The following DAB1 variants were observed in gnomAD, a reference collection of about 807,000 sequenced individuals.
DAB1 encodes the protein disabled homolog 1.
In DAB1, 15 loss-of-function variants were observed where a neutral mutation model predicts 64.6. The ratio of observed to expected loss-of-function variants is 0.23; its 90% confidence interval spans 0.16 to 0.36. The LOEUF (loss-of-function observed/expected upper bound fraction) is 0.36, where lower values mean the gene tolerates loss of function less well. Among genes scored for constraint, DAB1 ranks in the 10% least tolerant of loss-of-function variants. The probability of loss-of-function intolerance (pLI) is 1.00; values close to 1 mark genes in which losing one functional copy is unlikely to be tolerated. For missense variants in DAB1, 596 were observed against 706.7 expected (o/e 0.84, Z 1.78); for synonymous variants, 235 against 251.9 (o/e 0.93, Z 0.64).
At chr1:57,495,019 G>C (rs1438089311) in intron 7 of DAB1, among the ~76,000 whole-genome samples, 3 of 152,134 alleles carry the variant, frequency 2.0e-5, no homozygotes, top group Admixed American at 2.0e-4. Flanking sequence ...CTGGAACACT[G>C]AGCTGAATTT....
chr1:57,174,179 C>G (rs1481945322), intron 2 of DAB1, among the ~76,000 whole-genome samples: 1 of 152,152 alleles, frequency 6.6e-6, no homozygotes, highest in African/African-American at 2.4e-5. Context: ...TATCAGTATT[C>G]CATCACTGGC....
At chr1:57,280,047 T>G (rs1570146779) in intron 2 of DAB1, among the ~76,000 whole-genome samples, 1 of 152,262 alleles carries the variant, frequency 6.6e-6, no homozygotes, top group South Asian at 2.1e-4. Flanking sequence ...TAGTCCAGGG[T>G]TAAGAACGTG....
intron 7 of DAB1, among the ~76,000 whole-genome samples, chr1:57,443,971 T>G (rs1342083313): frequency 6.6e-6 from 1 of 152,086 alleles, no homozygotes; most frequent in East Asian, 1.9e-4. Flanking sequence ...TGCACTTGGG[T>G]TTTTAAAATC....
intron 6 of DAB1, among the ~76,000 whole-genome samples, chr1:57,698,412 G>A (rs1043044742): frequency 6.6e-6 from 1 of 152,054 alleles, no homozygotes; most frequent in East Asian, 1.9e-4. Flanking sequence ...CTACTTTGAG[G>A]ACCAATTTGA....
chr1:57,833,341 A>G (rs1327155433), intron 1 of DAB1, among the ~76,000 whole-genome samples: 1 of 152,234 alleles, frequency 6.6e-6, no homozygotes, highest in Non-Finnish European at 1.5e-5. Flanking sequence ...TAACTGTTGC[A>G]TGTTTCACAT....
At chr1:57,995,387 T>G (rs1461595103) in intron 5 of DAB1, among the ~76,000 whole-genome samples, 1 of 152,190 alleles carries the variant, frequency 6.6e-6, no homozygotes, top group African/African-American at 2.4e-5. Context: ...GGGACTCTTT[T>G]GGGGAGAAAG....
At chr1:57,163,110 G>A (rs1458624971) in intron 2 of DAB1, among the ~76,000 whole-genome samples, 1 of 152,214 alleles carries the variant, frequency 6.6e-6, no homozygotes, top group East Asian at 1.9e-4. Context: ...AAGTCCCAGG[G>A]CACAGTCATG....
intron 7 of DAB1, among the ~76,000 whole-genome samples, chr1:57,533,673 T>TAA (rs5774353): frequency 8.8e-5 from 13 of 147,990 alleles, no homozygotes; most frequent in East Asian, 2.0e-4. Context: ...CAGCCAAAAT[T>TAA]AAAAAAAAAA....
chr1:57,678,450 C>T (rs987825567), intron 6 of DAB1, among the ~76,000 whole-genome samples: 6 of 152,076 alleles, frequency 3.9e-5, no homozygotes, highest in African/African-American at 1.4e-4. Context: ...TTAAATGATG[C>T]CATATTGAAG....
chr1:57,601,618 GA>G (rs1645576847), intron 7 of DAB1, among the ~76,000 whole-genome samples: 1 of 152,044 alleles, frequency 6.6e-6, no homozygotes, highest in Non-Finnish European at 1.5e-5. Context: ...TTAAAAAAAT[GA>G]AAAATGAGGA....
At chr1:57,372,726 T>C (rs1680598759) in intron 1 of DAB1, among the ~76,000 whole-genome samples, 1 of 152,112 alleles carries the variant, frequency 6.6e-6, no homozygotes, top group Non-Finnish European at 1.5e-5. Context: ...ACATACACAA[T>C]ATGTACAGTA....
intron 5 of DAB1, among the ~76,000 whole-genome samples, chr1:58,077,335 C>T (rs1353893442): frequency 6.6e-6 from 1 of 152,160 alleles, no homozygotes; most frequent in Non-Finnish European, 1.5e-5. Flanking sequence ...CTTTCCCCTG[C>T]ATGGCGGTTT....
At chr1:57,460,597 A>G (rs376110034) in intron 7 of DAB1, among the ~76,000 whole-genome samples, 2 of 152,220 alleles carry the variant, frequency 1.3e-5, no homozygotes, top group African/African-American at 4.8e-5. Flanking sequence ...CCGAGTGATC[A>G]TCTAAACCTC....
chr1:57,432,842 T>C (rs938496474), intron 7 of DAB1, among the ~76,000 whole-genome samples: 1 of 152,248 alleles, frequency 6.6e-6, no homozygotes, highest in African/African-American at 2.4e-5. Flanking sequence ...AAGATATTTA[T>C]ATTTATACTT....
At chr1:57,442,659 G>C (rs1196959753) in intron 7 of DAB1, among the ~76,000 whole-genome samples, 1 of 152,034 alleles carries the variant, frequency 6.6e-6, no homozygotes, top group Non-Finnish European at 1.5e-5. Flanking sequence ...TCATCCTTTT[G>C]TGTTTTCATA....
In DAB1 at chr1:58,102,766, T is replaced by C. The variant is rs1461787263; in HGVS notation, n.387+47745A>G. Among the ~76,000 whole-genome samples, 4 of 152,196 alleles carry C rather than the reference T, an allele frequency of 2.6e-5. No individual in the cohort carries two copies. In the East Asian group the frequency reaches 7.7e-4, roughly 29 times the overall value. ...AAAATGTACTGAAAAGCTTGGTAAG[T>C]ATCATTCAAAGCCTCTCGACCAATC... On this transcript the variant is annotated intron_variant and non_coding_transcript_variant, in intron 5 of 20. Transcript: ENST00000485760.
At chr1:57,769,134 G>C (rs1260377447) in intron 6 of DAB1, among the ~76,000 whole-genome samples, 1 of 152,130 alleles carries the variant, frequency 6.6e-6, no homozygotes, top group Admixed American at 6.5e-5. Flanking sequence ...CATGGTACAT[G>C]CTCCGTGGGC....
chr1:58,213,037 C>T (rs1032552311), intron 4 of DAB1, among the ~76,000 whole-genome samples: 10 of 152,076 alleles, frequency 6.6e-5, no homozygotes, highest in Non-Finnish European at 1.3e-4. Flanking sequence ...ACAAAATAGA[C>T]GTAACACTGC....
chr1:57,581,829 T>C (rs1441959200), intron 7 of DAB1, among the ~76,000 whole-genome samples: 1 of 152,112 alleles, frequency 6.6e-6, no homozygotes. Flanking sequence ...AAATATCTTC[T>C]GCTGCTTTTG....
Sources: allele counts gnomAD v4.1 joint callset (sites outside exome capture counted in the v4.1 genomes callset), GRCh38; gene constraint gnomAD v4.1.1; transcripts MANE v1.5; gene names NCBI Gene and HGNC (gene_info 2026-07-23, HGNC 2026-07-21).